The following PARVB variants were observed in gnomAD, a reference collection of about 807,000 sequenced individuals.
PARVB encodes the protein parvin beta.
In PARVB, 46 loss-of-function variants were observed where a neutral mutation model predicts 47.0. The observed-to-expected ratio is 0.98, with a 90% CI of 0.77 to 1.25. The LOEUF (loss-of-function observed/expected upper bound fraction) is 1.25, where lower values mean the gene tolerates loss of function less well. Ranked by LOEUF, PARVB falls within the 50% of genes most tolerant of loss-of-function variation. The probability of loss-of-function intolerance (pLI) is 0.00; values close to 1 mark genes in which losing one functional copy is unlikely to be tolerated. For synonymous variants in PARVB, 196 were observed against 196.3 expected, an observed-to-expected ratio of 1.00 and a Z score of 0.01; for missense variants, 473 against 471.6, an observed-to-expected ratio of 1.00 and a Z score of -0.03.
At chr22:44,119,729 GT>G (rs962895143) in intron 4 of PARVB, 2 of 512,288 alleles carry the variant, frequency 3.9e-6, no homozygotes, top group African/African-American at 3.9e-5. Flanking sequence ...AACAGACGTG[GT>G]CCCTGTCCTC....
upstream of PARVB, among the ~76,000 whole-genome samples, chr22:44,022,221 A>C (rs1336395302): frequency 6.6e-6 from 1 of 152,062 alleles, no homozygotes; most frequent in Admixed American, 6.6e-5. Flanking sequence ...TGAGCCCTCC[A>C]GCTCATGGAA....
chr22:44,071,924 C>T (rs887501958), intron 1 of PARVB, among the ~76,000 whole-genome samples: 14 of 152,284 alleles, frequency 9.2e-5, no homozygotes, highest in Non-Finnish European at 8.8e-5. Context: ...GGAAGGGAGG[C>T]GCAGCTGGGC....
intron 2 of PARVB, among the ~76,000 whole-genome samples, chr22:44,000,502 C>T (rs1233149803): frequency 2.0e-5 from 3 of 152,112 alleles, no homozygotes; most frequent in African/African-American, 4.8e-5. Context: ...ATAGGCCGGG[C>T]GTGGTGGCTC....
chr22:44,100,168 A>T, intron 3 of PARVB, 45 bp downstream of exon 3: 1 of 1,516,302 alleles, frequency 6.6e-7, no homozygotes, highest in Non-Finnish European at 9.2e-7. Context: ...TAGGGCGAGG[A>T]CTTGGCTTTG....
At chr22:44,026,419 T>A (rs988581582) in intron 1 of PARVB, 14 of 889,180 alleles carry the variant, frequency 1.6e-5, no homozygotes, top group African/African-American at 1.8e-5. Context: ...TTGGGGTGCC[T>A]GGCAAACAGA....
chr22:44,102,590 C>A (rs527693752), intron 3 of PARVB, among the ~76,000 whole-genome samples: 1 of 152,090 alleles, frequency 6.6e-6, no homozygotes, highest in East Asian at 1.9e-4. Context: ...GAAATCCCAG[C>A]GCCCTGGGAG....
rs1464440216 is a variant in PARVB, at chr22:44,068,026, C to T, written c.113-25902C>T. Among the ~76,000 whole-genome samples the T allele has an allele frequency of 6.6e-6, 1 of 152,152 alleles. No individual in the cohort carries two copies. Among genetic ancestry groups the T allele is most frequent in the Non-Finnish European group, 1.5e-5 (1 of 68,018 alleles). On this transcript the variant is annotated intron_variant, in intron 1 of 12. Transcript: ENST00000338758. This position sits in a 1 kb window ranked among gnomAD's most constrained non-coding sequence, Gnocchi z 4.1. ...GGGCCAGGCATGTCCCAGTCCACTG[C>T]CTGCCCCAGAGCCCCGCCTGGAGCA... is the stretch of plus-strand genomic sequence containing the variant.
At position 44,018,229 on chromosome 22, in the gene PARVB, C is replaced by T. The variant is rs182263753; in HGVS notation, c.211+18556C>T. Among the ~76,000 whole-genome samples, 3 of 152,218 alleles carry T rather than the reference C, an allele frequency of 2.0e-5. No individual in the cohort carries two copies. In the East Asian group the frequency reaches 5.8e-4, roughly 29 times the overall value. On this transcript the variant is annotated intron_variant, in intron 2 of 13. Transcript: ENST00000406477. ...CCAGCCTGGCCAACATGGTGAAACC[C>T]TGTCTCTACTAAAATTACAAAAATT...
At chr22:44,005,254 C>A (rs914903431) in intron 2 of PARVB, among the ~76,000 whole-genome samples, 1 of 147,546 alleles carries the variant, frequency 6.8e-6, no homozygotes, top group South Asian at 2.2e-4. Context: ...CGTGTGCCAC[C>A]GTGCCCAGCT....
Position 44,169,606 on chromosome 22 carries a change from C to G in PARVB, c.*928C>G, listed in dbSNP as rs537952065. ...GACATCAGAGAATTACATCCTCAGG[C>G]CTTTCGCCTTGGCTTGTAGATGCCG... On this transcript the variant is annotated 3_prime_UTR_variant, in exon 13 of 13. Transcript: ENST00000338758. The G allele has an allele frequency of 2.0e-5, 3 of 150,754 alleles. No homozygotes were observed. The highest frequency in any genetic ancestry group is 1.9e-4 in the East Asian group (1 of 5,192). The allele number at this position is 150,754 out of a possible 1,614,324, so 9.3% of individuals were successfully genotyped here. A position where few individuals can be genotyped will look rare whatever the true frequency, so the allele number is the denominator to read the frequency against.
At chr22:44,162,550 A>G (rs767227746) in intron 11 of PARVB, among the ~76,000 whole-genome samples, 3 of 152,132 alleles carry the variant, frequency 2.0e-5, no homozygotes, top group Non-Finnish European at 4.4e-5. Context: ...CGAATGCCTG[A>G]CTTCAACTGA....
At chr22:44,132,233 C>G (rs1158861985) in intron 5 of PARVB, among the ~76,000 whole-genome samples, 1 of 152,154 alleles carries the variant, frequency 6.6e-6, no homozygotes, top group Non-Finnish European at 1.5e-5. Flanking sequence ...GGCAGGAGAC[C>G]CTGGAGCCTG....
intron 1 of PARVB, among the ~76,000 whole-genome samples, chr22:44,078,396 C>T (rs1282934531): frequency 1.3e-5 from 2 of 152,154 alleles, no homozygotes; most frequent in Non-Finnish European, 1.5e-5. Context: ...GGACTGAGTT[C>T]CCCTCTTCTC....
chr22:44,140,085 T>C, intron 7 of PARVB, 39 bp from the exon 8 acceptor site: 1 of 783,972 alleles, frequency 1.3e-6, no homozygotes, highest in Non-Finnish European at 1.7e-6. Flanking sequence ...GTGTTCTGAG[T>C]GACCCATCTC....
At chr22:44,133,912 G>A (rs993650540) in intron 6 of PARVB, among the ~76,000 whole-genome samples, 4 of 152,218 alleles carry the variant, frequency 2.6e-5, no homozygotes, top group African/African-American at 4.8e-5. Context: ...AATGTGCAAT[G>A]AGCGCCTACT....
At chr22:44,129,060 G>A (rs576250566) in intron 4 of PARVB, among the ~76,000 whole-genome samples, 35 of 152,222 alleles carry the variant, frequency 2.3e-4, no homozygotes, top group Admixed American at 8.5e-4. Context: ...CCTGGGTGAC[G>A]AGAGTGAAAC....
intron 1 of PARVB, among the ~76,000 whole-genome samples, chr22:44,055,672 CTCTCTCTA>C (rs896141600): frequency 7.8e-4 from 109 of 139,038 alleles, no homozygotes; most frequent in African/African-American, 2.8e-3. Flanking sequence ...CTCTCTCTCT[CTCTCTCTA>C]TATATATATA....
At chr22:44,122,562 C>CACAG (rs2053087765) in intron 4 of PARVB, among the ~76,000 whole-genome samples, 9 of 78,786 alleles carry the variant, frequency 1.1e-4, no homozygotes, top group South Asian at 4.8e-4. Context: ...GACACAGAGA[C>CACAG]AGAGAGAGAG....
chr22:44,006,181 G>C (rs1419860601), intron 2 of PARVB, among the ~76,000 whole-genome samples: 5 of 152,202 alleles, frequency 3.3e-5, no homozygotes, highest in Non-Finnish European at 5.9e-5. Flanking sequence ...CTGGGCTCAA[G>C]TGATGCTCCT....
Sources: gnomAD v4.1 joint callset for allele counts (sites outside exome capture counted in the v4.1 genomes callset) on GRCh38, gnomAD v4.1.1 for gene constraint, Gnocchi (gnomAD v3.1) non-coding constraint, MANE v1.5 for transcripts, NCBI Gene and HGNC (gene_info 2026-07-23, HGNC 2026-07-21) for gene names.